Variants in CNTNAP2 observed in about 807,000 individuals in gnomAD.
The protein encoded by CNTNAP2 is contactin associated protein 2.
CNTNAP2 carries 98 observed loss-of-function variants against 155.2 expected under a neutral mutation model. That is an observed-to-expected ratio of 0.63 (90% CI 0.54 to 0.75). The LOEUF is 0.75. Among genes scored for constraint, CNTNAP2 ranks in the 30% least tolerant of loss-of-function variants. CNTNAP2 has a pLI of 0.00. For synonymous variants in CNTNAP2, 651 were observed against 631.2 expected (o/e 1.03, Z -0.47); for missense variants, 1,727 against 1,688.1 (o/e 1.02, Z -0.40).
At chr7:146,977,802 C>T (rs140641976) in intron 3 of CNTNAP2, among the ~76,000 whole-genome samples, 2 of 152,136 alleles carry the variant, frequency 1.3e-5, no homozygotes, top group African/African-American at 4.8e-5. Flanking sequence ...TTTGCGCTGT[C>T]TGAGTTTTAG....
At chr7:147,464,465 T>TAA (rs71183005) in intron 10 of CNTNAP2, among the ~76,000 whole-genome samples, 2,073 of 65,862 alleles carry the variant, frequency 0.031, 74 homozygotes, top group African/African-American at 0.063. Flanking sequence ...AGACTCCATC[T>TAA]AAAAAAAAAA....
chr7:147,662,131 TG>T (rs1435278752), intron 13 of CNTNAP2, among the ~76,000 whole-genome samples: 1 of 152,208 alleles, frequency 6.6e-6, no homozygotes, highest in Admixed American at 6.5e-5. Context: ...AATACCAAGA[TG>T]GCACACATAT....
chr7:147,548,427 T>A (rs143164652), intron 11 of CNTNAP2, among the ~76,000 whole-genome samples: 3,223 of 152,280 alleles, frequency 0.021, 40 homozygotes, highest in Middle Eastern at 0.031. Flanking sequence ...TCTGTTCATA[T>A]TATTTGCCCA....
chr7:147,964,518 C>T (rs1344457675), intron 14 of CNTNAP2, among the ~76,000 whole-genome samples: 1 of 152,104 alleles, frequency 6.6e-6, no homozygotes, highest in Non-Finnish European at 1.5e-5. Flanking sequence ...CTTCTGGATC[C>T]TCACAGGAGA....
intron 5 of CNTNAP2, among the ~76,000 whole-genome samples, chr7:147,117,100 G>A (rs559839429): frequency 1.3e-3 from 204 of 152,184 alleles, no homozygotes; most frequent in African/African-American, 4.1e-3. Flanking sequence ...AATGCCATTC[G>A]GCTCCCTGGA....
chr7:147,603,260 GT>G (rs1036152631), intron 12 of CNTNAP2, among the ~76,000 whole-genome samples: 220 of 152,102 alleles, frequency 1.4e-3, no homozygotes, highest in African/African-American at 4.9e-3. Flanking sequence ...TTTTTCATGT[GT>G]TTTTTGGCTG....
chr7:147,750,908 T>C (rs2030762), intron 13 of CNTNAP2, among the ~76,000 whole-genome samples: 106,569 of 151,892 alleles, frequency 0.7, 38,574 homozygotes, highest in East Asian at 0.96. Flanking sequence ...GGCATGGTGG[T>C]GGGCGCCTGA....
intron 1 of CNTNAP2, among the ~76,000 whole-genome samples, chr7:146,693,996 T>C (rs1403423947): frequency 6.6e-6 from 1 of 152,130 alleles, no homozygotes; most frequent in East Asian, 1.9e-4. Context: ...AGTGTAATTA[T>C]TTTAAAATTC....
chr7:148,077,459 T>A (rs1803510573), intron 15 of CNTNAP2, among the ~76,000 whole-genome samples: 1 of 152,192 alleles, frequency 6.6e-6, no homozygotes, highest in African/African-American at 2.4e-5. Flanking sequence ...TTTTTGTCTT[T>A]CCCCAGATGT....
intron 2 of CNTNAP2, among the ~76,000 whole-genome samples, chr7:146,811,673 G>A (rs190038109): frequency 6.6e-6 from 1 of 152,110 alleles, no homozygotes; most frequent in Admixed American, 6.6e-5. Flanking sequence ...GAAAACTTCT[G>A]ATAAGGTTTA....
rs181359786 is a variant in CNTNAP2 at position 146,440,125 on chromosome 7, A to C, written c.97+323152A>C. Reference sequence around the variant, plus strand: ...GGCAACAGAGAGCGACTCCATCTCAAAACAAAACAAAACAAAACAAAAAAT... The same window carrying C: ...GGCAACAGAGAGCGACTCCATCTCACAACAAAACAAAACAAAACAAAAAAT... On this transcript the variant is annotated intron_variant, in intron 1 of 23. Transcript: ENST00000361727. Among the ~76,000 whole-genome samples, 148 of 151,446 alleles carry C rather than the reference A, an allele frequency of 9.8e-4. 2 individuals are homozygous for C. In the Middle Eastern group the frequency reaches 0.01, roughly 11 times the overall value.
At chr7:146,489,768 T>C (rs1478670299) in intron 1 of CNTNAP2, among the ~76,000 whole-genome samples, 1 of 152,028 alleles carries the variant, frequency 6.6e-6, no homozygotes, top group Non-Finnish European at 1.5e-5. Context: ...AGGGAATAGC[T>C]CTCAGCAGAG....
chr7:147,417,559 T>G (rs1797216189), intron 10 of CNTNAP2, among the ~76,000 whole-genome samples: 1 of 152,210 alleles, frequency 6.6e-6, no homozygotes, highest in Non-Finnish European at 1.5e-5. Flanking sequence ...GTCTCTAACA[T>G]TCACCTTTTG....
intron 10 of CNTNAP2, among the ~76,000 whole-genome samples, chr7:147,441,844 TCTCTCTCC>T (rs1563205184): frequency 3.0e-5 from 4 of 132,422 alleles, no homozygotes; most frequent in Non-Finnish European, 5.1e-5. Context: ...TCTCTCTCTC[TCTCTCTCC>T]CTCCCTCCCT....
At chr7:146,686,529 G>C (rs1800603842) in intron 1 of CNTNAP2, among the ~76,000 whole-genome samples, 1 of 152,034 alleles carries the variant, frequency 6.6e-6, no homozygotes, top group African/African-American at 2.4e-5. Flanking sequence ...CTCTCCTAGG[G>C]ACTGTATTCT....
intron 14 of CNTNAP2, among the ~76,000 whole-genome samples, chr7:147,977,555 C>T (rs10225015): frequency 2.0e-5 from 3 of 152,256 alleles, no homozygotes; most frequent in East Asian, 1.9e-4. Context: ...TGCATGTGTG[C>T]TCAGGGTTTG....
In CNTNAP2 at chr7:146,489,556, G is replaced by GAC. The variant is rs543061311; in HGVS notation, c.98-284706_98-284705dup. On this transcript the variant is annotated intron_variant, in intron 1 of 23. Coordinates refer to ENST00000361727, the MANE Select transcript of CNTNAP2 (RefSeq NM_014141.6). ...CCAACTGGGGACCTCCACGGCCAGT[G>GAC]ACACACACACCCCCACCTGCTACCA... Among the ~76,000 whole-genome samples the GAC allele has an allele frequency of 1.7e-3, 255 of 152,162 alleles. 1 individual carries two copies. Among genetic ancestry groups the GAC allele is most frequent in the African/African-American group, 5.9e-3 (244 of 41,516 alleles).
chr7:147,510,964 T>A (rs1584781187), intron 11 of CNTNAP2, among the ~76,000 whole-genome samples: 2 of 150,386 alleles, frequency 1.3e-5, no homozygotes, highest in African/African-American at 4.9e-5. Flanking sequence ...ATATGGTTTT[T>A]TGCTTTGTTT....
intron 2 of CNTNAP2, among the ~76,000 whole-genome samples, chr7:146,798,860 A>C (rs1461539185): frequency 6.6e-6 from 1 of 152,200 alleles, no homozygotes; most frequent in African/African-American, 2.4e-5. Flanking sequence ...CCCAGCTAAG[A>C]GTCCTAGAAA....
Sources: gnomAD v4.1 joint callset for allele counts (sites outside exome capture counted in the v4.1 genomes callset) on GRCh38, gnomAD v4.1.1 for gene constraint, MANE v1.5 for transcripts, NCBI Gene and HGNC (gene_info 2026-07-23, HGNC 2026-07-21) for gene names.